The following SIPA1L2 variants were observed in gnomAD, a reference collection of about 807,000 sequenced individuals.
The protein encoded by SIPA1L2 is signal induced proliferation associated 1 like 2, also known as signal-induced proliferation-associated 1-like protein 2.
In SIPA1L2, 56 loss-of-function variants were observed where a neutral mutation model predicts 163.9. That is an observed-to-expected ratio of 0.34 (90% CI 0.28 to 0.43). The LOEUF is 0.43. Among genes scored for constraint, SIPA1L2 ranks in the 20% least tolerant of loss-of-function variants. The pLI is 1.00. For synonymous variants in SIPA1L2, 877 were observed against 865.7 expected (o/e 1.01, Z -0.23); for missense variants, 1,974 against 2,193.5 (o/e 0.90, Z 2.00).
At chr1:232,583,966 A>G (rs928424416) in intron 1 of SIPA1L2, among the ~76,000 whole-genome samples, 3 of 151,346 alleles carry the variant, frequency 2.0e-5, no homozygotes, top group Non-Finnish European at 4.4e-5. Context: ...CATAGAAACT[A>G]GAATCCCTTT....
At chr1:232,469,765 C>T (rs7413924) in intron 8 of SIPA1L2, among the ~76,000 whole-genome samples, 36,494 of 151,498 alleles carry the variant, frequency 0.24, 4,576 homozygotes, top group Admixed American at 0.34. Flanking sequence ...TAATTAAATA[C>T]ATTCAAAACA....
At chr1:232,434,318 G>T (rs746459634) in intron 15 of SIPA1L2, among the ~76,000 whole-genome samples, 7 of 152,178 alleles carry the variant, frequency 4.6e-5, no homozygotes, top group Non-Finnish European at 8.8e-5. Context: ...CATTTTCAGG[G>T]TCTCTGCGTT....
chr1:232,426,862 C>T (rs927963775), intron 17 of SIPA1L2, among the ~76,000 whole-genome samples: 1 of 152,132 alleles, frequency 6.6e-6, no homozygotes, highest in African/African-American at 2.4e-5. Flanking sequence ...CAACTACTTC[C>T]TTTGCATACT....
intron 19 of SIPA1L2, among the ~76,000 whole-genome samples, chr1:232,411,483 C>CT (rs908124770): frequency 2.1e-3 from 321 of 152,138 alleles, no homozygotes; most frequent in African/African-American, 7.1e-3. Context: ...TTCATTTGTA[C>CT]TTTTTTATAT....
intron 1 of SIPA1L2, among the ~76,000 whole-genome samples, chr1:232,575,305 C>T (rs1046626714): frequency 2.0e-5 from 3 of 152,174 alleles, no homozygotes; most frequent in Non-Finnish European, 4.4e-5. Flanking sequence ...TCCCAGTTTA[C>T]AAGTGTTAAC....
At chr1:232,526,673 C>T (rs575507753) in intron 2 of SIPA1L2, among the ~76,000 whole-genome samples, 26 of 152,278 alleles carry the variant, frequency 1.7e-4, no homozygotes, top group African/African-American at 5.5e-4. Context: ...ATCTATATAC[C>T]GTAGGCCTGT....
At chr1:232,559,338 A>G (rs1658901575) in intron 2 of SIPA1L2, among the ~76,000 whole-genome samples, 1 of 152,154 alleles carries the variant, frequency 6.6e-6, no homozygotes, top group South Asian at 2.1e-4. Context: ...AGTAACATAA[A>G]CTCAATCAGC....
chr1:232,533,406 T>C (rs1420298506), intron 2 of SIPA1L2, among the ~76,000 whole-genome samples: 4 of 152,208 alleles, frequency 2.6e-5, no homozygotes, highest in African/African-American at 9.6e-5. Context: ...ACCACAGTTC[T>C]CCTCCAAGTG....
chr1:232,624,270 T>C (rs1430714836), intron 1 of SIPA1L2, among the ~76,000 whole-genome samples: 2 of 152,208 alleles, frequency 1.3e-5, no homozygotes, highest in South Asian at 2.1e-4. Context: ...CTGAAACAGG[T>C]AGCATTTGCC....
intron 3 of SIPA1L2, among the ~76,000 whole-genome samples, chr1:232,495,743 G>C (rs947604689): frequency 6.6e-6 from 1 of 151,984 alleles, no homozygotes; most frequent in African/African-American, 2.4e-5. Flanking sequence ...ATTATCATGA[G>C]GCTGAAAAAC....
Position 232,428,416 on chromosome 1 carries a change from T to C in SIPA1L2, c.4405A>G (p.Arg1469Gly), listed in dbSNP as rs34110867. 0.027 allele frequency: 42,009 copies of C among 1,536,404 alleles called. 1,217 individuals are homozygous for C. Among genetic ancestry groups the C allele is most frequent in the Admixed American group, 0.12 (5,793 of 46,618 alleles). ...PDSPLVEEGR[R>G]KFSFYGNLSP... ...AAGCTCCCTAAGTCACTAACCTTTC[T>C]TCGCCCCTCCTCCACTAAGGGGCTG... Residue 1469 changes from arginine (R) to glycine (G), a missense_variant, in exon 17 of 23, where the codon AGA becomes GGA. By Grantham distance (125) the Arg-to-Gly change is moderately radical. Coordinates refer to ENST00000674635, the MANE Select transcript of SIPA1L2 (RefSeq NM_020808.5).
intron 17 of SIPA1L2, among the ~76,000 whole-genome samples, chr1:232,428,011 T>A (rs1313018864): frequency 6.6e-6 from 1 of 152,260 alleles, no homozygotes; most frequent in Non-Finnish European, 1.5e-5. Flanking sequence ...GGAGCTGTAC[T>A]AGGCTCTTCA....
intron 2 of SIPA1L2, among the ~76,000 whole-genome samples, chr1:232,539,869 C>G (rs1657537547): frequency 2.6e-5 from 4 of 152,186 alleles, no homozygotes; most frequent in African/African-American, 9.7e-5. Flanking sequence ...CGCATTTTTT[C>G]TTCTGTGTGG....
At chr1:232,622,127 C>G (rs1417833410) in intron 1 of SIPA1L2, among the ~76,000 whole-genome samples, 1 of 152,230 alleles carries the variant, frequency 6.6e-6, no homozygotes, top group African/African-American at 2.4e-5. Flanking sequence ...CTTCTACTAT[C>G]ATGTATGCCT....
intron 1 of SIPA1L2, among the ~76,000 whole-genome samples, chr1:232,576,540 G>A (rs12722825): frequency 0.087 from 13,249 of 152,090 alleles, 623 homozygotes; most frequent in South Asian, 0.11. Flanking sequence ...AATATTGAAC[G>A]TAGGCCAATT....
Position 232,514,475 on chromosome 1 carries a change from T to C in SIPA1L2, c.865A>G (p.Thr289Ala). Reference sequence around the variant, plus strand: ...GTTCGAAGCTTTCGGAAGAGAGATGTTTCCACCGACTCTGATTTCAACCTC... The same window carrying C: ...GTTCGAAGCTTTCGGAAGAGAGATGCTTCCACCGACTCTGATTTCAACCTC... ...KRRLKSESVE[T>A]SLFRKLRTVK... The change falls in exon 3 of 23, where the codon ACA (threonine) becomes GCA (alanine). Residue 289 changes from threonine to alanine, a missense_variant. Physicochemically the swap from Thr to Ala is moderately conservative, Grantham distance 58 (BLOSUM62 0). Around this residue, in one of 3 missense-constraint regions of SIPA1L2, gnomAD observed 607 missense variants for 624.0 expected, o/e 0.97. Coordinates refer to ENST00000674635, the MANE Select transcript of SIPA1L2 (RefSeq NM_020808.5). The C allele has an allele frequency of 6.2e-7, 1 of 1,614,214 alleles. No individual in the cohort carries two copies. The highest frequency in any genetic ancestry group is 8.5e-7 in the Non-Finnish European group (1 of 1,180,046).
At position 232,519,298 on chromosome 1, in the gene SIPA1L2, T is replaced by TA. The variant is rs376924031; in HGVS notation, c.-269-3691dup. Among the ~76,000 whole-genome samples the TA allele has an allele frequency of 6.5e-3, 987 of 152,348 alleles. 12 individuals carry two copies. Among genetic ancestry groups the TA allele is most frequent in the African/African-American group, 0.023 (941 of 41,582 alleles). On this transcript the variant is annotated intron_variant, in intron 2 of 22. Coordinates refer to ENST00000674635, the MANE Select transcript of SIPA1L2 (RefSeq NM_020808.5). ...GCCCATTCCCAAACATGGTAGTTAA[T>TA]AAAACGGCCAATCCTGCCACCAGTC...
chr1:232,421,685 C>T (rs921537972), intron 18 of SIPA1L2, among the ~76,000 whole-genome samples: 3 of 151,776 alleles, frequency 2.0e-5, no homozygotes, highest in African/African-American at 7.3e-5. Flanking sequence ...CAACACAAAA[C>T]CACCGAGGCT....
At chr1:232,479,569 T>G in intron 7 of SIPA1L2, 58 bp downstream of exon 7, 1 of 1,363,482 alleles carries the variant, frequency 7.3e-7, no homozygotes, top group Non-Finnish European at 1.1e-6. Flanking sequence ...ATATCATCAG[T>G]GGGCCCACCT....
Sources: allele counts gnomAD v4.1 joint callset (sites outside exome capture counted in the v4.1 genomes callset), GRCh38; gene constraint gnomAD v4.1.1; regional missense constraint gnomAD v4.1.1; transcripts MANE v1.5; gene names NCBI Gene and HGNC (gene_info 2026-07-23, HGNC 2026-07-21).